The following CLNK variants were observed in gnomAD, a reference collection of about 807,000 sequenced individuals.
The protein encoded by CLNK is cytokine-dependent hematopoietic cell linker.
CLNK carries 74 observed loss-of-function variants against 68.6 expected under a neutral mutation model. The observed-to-expected ratio is 1.08, with a 90% CI of 0.89 to 1.31. The LOEUF (loss-of-function observed/expected upper bound fraction) is 1.31. CLNK is among the 50% of genes most tolerant of loss of function. The pLI is 0.00. For synonymous variants in CLNK, 198 were observed against 172.2 expected (o/e 1.15, Z -1.17); for missense variants, 553 against 515.3 (o/e 1.07, Z -0.71).
chr4:10,667,829 T>C, intron 2 of CLNK, 30 bp downstream of exon 2: 1 of 1,564,810 alleles, frequency 6.4e-7, no homozygotes, highest in South Asian at 1.2e-5. Flanking sequence ...AAAAGGGAAC[T>C]GGGGCTCACA....
At chr4:10,568,365 T>C (rs1560220240) in intron 5 of CLNK, among the ~76,000 whole-genome samples, 1 of 152,160 alleles carries the variant, frequency 6.6e-6, no homozygotes, top group African/African-American at 2.4e-5. Context: ...GATTAATATT[T>C]GCCAAGGTCT....
At chr4:10,540,005 GA>G (rs1560207892) in intron 11 of CLNK, among the ~76,000 whole-genome samples, 2 of 152,186 alleles carry the variant, frequency 1.3e-5, no homozygotes, top group African/African-American at 4.8e-5. Flanking sequence ...CAGGTTTCTA[GA>G]ATTATTTTCT....
At chr4:10,701,520 G>A in the CLNK span, among the ~76,000 whole-genome samples, 1 of 152,326 alleles carries the variant, frequency 6.6e-6, no homozygotes, top group African/African-American at 2.4e-5. Context: ...GTTGTGCTGT[G>A]AGATACTGAA....
chr4:10,586,036 A>G (rs1429851832), intron 3 of CLNK, among the ~76,000 whole-genome samples: 1 of 152,034 alleles, frequency 6.6e-6, no homozygotes, highest in Non-Finnish European at 1.5e-5. Flanking sequence ...AACCTAGATC[A>G]CTCTCATGCA....
the CLNK span, among the ~76,000 whole-genome samples, chr4:10,699,268 C>CACACACACCACGTATGTGTGTAT: frequency 1.7e-3 from 55 of 32,408 alleles, 3 homozygotes; most frequent in Middle Eastern, 0.026. Flanking sequence ...TGTGTATACA[C>CACACACACCACGTATGTGTGTAT]ACACACACAC....
chr4:10,543,692 T>A (rs1318802810), intron 8 of CLNK, among the ~76,000 whole-genome samples: 1 of 152,260 alleles, frequency 6.6e-6, no homozygotes, highest in Non-Finnish European at 1.5e-5. Context: ...CTGGTCTGTA[T>A]AATTTTAATG....
At chr4:10,661,774 T>A (rs183422671) in intron 2 of CLNK, among the ~76,000 whole-genome samples, 2 of 152,346 alleles carry the variant, frequency 1.3e-5, no homozygotes, top group African/African-American at 4.8e-5. Flanking sequence ...ACTTTGTTGA[T>A]GTCAATACAA....
At chr4:10,623,776 T>G (rs1230912174) in intron 2 of CLNK, among the ~76,000 whole-genome samples, 1 of 152,184 alleles carries the variant, frequency 6.6e-6, no homozygotes. Context: ...CAGTTCAGTG[T>G]GAAAAGTGCT....
At chr4:10,655,691 C>T (rs1723948304) in intron 2 of CLNK, among the ~76,000 whole-genome samples, 1 of 128,282 alleles carries the variant, frequency 7.8e-6, no homozygotes, top group Non-Finnish European at 1.5e-5. Flanking sequence ...GCCCTGTTGC[C>T]CAGGCTGGAG....
At chr4:10,538,181 G>A (rs1718873196) in intron 11 of CLNK, among the ~76,000 whole-genome samples, 1 of 152,124 alleles carries the variant, frequency 6.6e-6, no homozygotes, top group Admixed American at 6.6e-5. Context: ...TGTCGCTGGA[G>A]TGCAGTGGTG....
At chr4:10,710,286 C>T in the CLNK span, among the ~76,000 whole-genome samples, 1 of 152,090 alleles carries the variant, frequency 6.6e-6, no homozygotes, top group Admixed American at 6.5e-5. Context: ...GTTTTCCGTG[C>T]TTCTCAGTCT....
intron 17 of CLNK, among the ~76,000 whole-genome samples, chr4:10,503,437 G>A (rs1410454364): frequency 6.6e-6 from 1 of 150,878 alleles, no homozygotes; most frequent in African/African-American, 2.4e-5. Context: ...ACTCCAGCCT[G>A]GGTGACAGAG....
intron 16 of CLNK, among the ~76,000 whole-genome samples, chr4:10,511,824 G>A (rs1717595501): frequency 6.6e-6 from 1 of 152,036 alleles, no homozygotes; most frequent in Non-Finnish European, 1.5e-5. Flanking sequence ...TATGAACATG[G>A]GTGTACAAAT....
chr4:10,651,047 A>G (rs1723713446), intron 2 of CLNK, among the ~76,000 whole-genome samples: 1 of 152,214 alleles, frequency 6.6e-6, no homozygotes, highest in African/African-American at 2.4e-5. Context: ...AAGTCAGGAA[A>G]GAACAGATGC....
chr4:10,491,876 A>C (rs1294039265), intron 18 of CLNK, among the ~76,000 whole-genome samples: 2 of 152,180 alleles, frequency 1.3e-5, no homozygotes, highest in Admixed American at 6.5e-5. Flanking sequence ...TCACCCAGAT[A>C]ATATACATTG....
intron 2 of CLNK, among the ~76,000 whole-genome samples, chr4:10,606,027 A>T (rs1356051767): frequency 6.6e-6 from 1 of 152,008 alleles, no homozygotes; most frequent in Non-Finnish European, 1.5e-5. Context: ...TTATTTTAGA[A>T]ACATTCTTTT....
At position 10,578,075 on chromosome 4, in the gene CLNK, C is replaced by T. The variant is rs571403903; in HGVS notation, c.113-6297G>A. Among the ~76,000 whole-genome samples the T allele has an allele frequency of 2.6e-5, 4 of 152,284 alleles. No homozygotes were observed. In the South Asian group the frequency reaches 6.2e-4, roughly 24 times the overall value. The stretch of plus-strand genomic sequence containing the variant: ...AGAATGGGAATAATACTACCTACCC[C>T]CAAATGGCTGTTGAGAAGTTTTGGT... On this transcript the variant is annotated intron_variant, in intron 4 of 18. Transcript: ENST00000226951.
intron 2 of CLNK, among the ~76,000 whole-genome samples, chr4:10,613,278 C>T (rs1393830787): frequency 7.2e-5 from 11 of 151,986 alleles, no homozygotes; most frequent in Non-Finnish European, 1.6e-4. Context: ...TATGAATAGT[C>T]CTTGGGGTGG....
At chr4:10,576,503 AGATG>A (rs1383381332) in intron 4 of CLNK, among the ~76,000 whole-genome samples, 4 of 152,206 alleles carry the variant, frequency 2.6e-5, no homozygotes, top group Admixed American at 2.0e-4. Flanking sequence ...AGGGAAGTGA[AGATG>A]GATATACGCA....
Sources: allele counts gnomAD v4.1 joint callset (sites outside exome capture counted in the v4.1 genomes callset), GRCh38; gene constraint gnomAD v4.1.1; transcripts MANE v1.5; gene names NCBI Gene and HGNC (gene_info 2026-07-23, HGNC 2026-07-21).